Variants in STARD9 observed in about 807,000 individuals in gnomAD.
STARD9 encodes the protein StAR related lipid transfer domain containing 9, also known as stAR-related lipid transfer protein 9.
In STARD9, 346 loss-of-function variants were observed where a neutral mutation model predicts 399.8. The observed-to-expected ratio is 0.87, with a 90% CI of 0.79 to 0.95. The LOEUF (loss-of-function observed/expected upper bound fraction) is 0.95. STARD9 is among the 40% of genes least tolerant of loss of function. STARD9 has a pLI of 0.00. For missense variants in STARD9, 5,832 were observed against 5,667.5 expected, an observed-to-expected ratio of 1.03 and a Z score of -0.93; for synonymous variants, 2,203 against 2,143.5, an observed-to-expected ratio of 1.03 and a Z score of -0.77.
Position 42,613,479 on chromosome 15 carries a change from A to G in STARD9, c.235-21377A>G, listed in dbSNP as rs192654887. On this transcript the variant is annotated intron_variant, in intron 3 of 32. Coordinates refer to ENST00000290607, the MANE Select transcript of STARD9 (RefSeq NM_020759.3). ...GTATGGTTTATTTCCCAGATTCATAATTTACTGGCCATAATCCTGAGCAAG... is the reference window on the plus strand; with the variant it reads ...GTATGGTTTATTTCCCAGATTCATAGTTTACTGGCCATAATCCTGAGCAAG... Among the ~76,000 whole-genome samples the G allele has an allele frequency of 3.3e-5, 5 of 152,264 alleles. No homozygotes were observed. The East Asian group carries it at 9.6e-4, about 29-fold the overall frequency.
At chr15:42,610,644 G>T (rs1297345299) in intron 3 of STARD9, among the ~76,000 whole-genome samples, 2 of 152,120 alleles carry the variant, frequency 1.3e-5, no homozygotes, top group Non-Finnish European at 2.9e-5. Context: ...CGCCGCCCGG[G>T]TTCAAGCTTC....
At chr15:42,652,624 T>C in intron 9 of STARD9, 32 bp downstream of exon 9, 1 of 1,511,148 alleles carries the variant, frequency 6.6e-7, no homozygotes, top group South Asian at 1.2e-5. Context: ...GTGAGATTTC[T>C]TCCTCTCCTT....
Position 42,690,024 on chromosome 15 carries a change from T to C in STARD9, c.8446T>C (p.Ser2816Pro). The change falls in exon 23 of 33, where the codon TCT becomes CCT. Residue 2816 changes from serine to proline, a missense_variant. Transcript: ENST00000290607. ...AAAAACAGCCCATTTTGAAAGTCAG[T>C]CTGTGACCTGTGATGTTCAGAATTC... Reference protein sequence around the residue: ...GEKTAHFESQSVTCDVQNSTS... With the variant: ...GEKTAHFESQPVTCDVQNSTS... 6.5e-7 allele frequency: 1 copy of C among 1,537,462 alleles called. No individual in the cohort carries two copies. Among genetic ancestry groups the C allele is most frequent in the South Asian group, 1.2e-5 (1 of 84,058 alleles).
At chr15:42,590,580 A>T (rs906288627) in intron 3 of STARD9, among the ~76,000 whole-genome samples, 7 of 152,198 alleles carry the variant, frequency 4.6e-5, no homozygotes, top group African/African-American at 1.7e-4. Flanking sequence ...TGCTTGTGTT[A>T]GTCTATTTTG....
intron 24 of STARD9, 92 bp from the exon 25 acceptor site, chr15:42,695,048 A>G (rs1367721779): frequency 9.3e-7 from 1 of 1,072,410 alleles, no homozygotes; most frequent in Non-Finnish European, 1.3e-6. Flanking sequence ...TGGGTCTTTT[A>G]AGAAGGTGGT....
intron 7 of STARD9, among the ~76,000 whole-genome samples, chr15:42,644,620 C>T (rs4924689): frequency 5.9e-5 from 9 of 152,170 alleles, no homozygotes; most frequent in African/African-American, 1.7e-4. Context: ...GTGATGATGG[C>T]GGCTGACTGA....
Position 42,692,724 on chromosome 15 carries a change from G to T in STARD9, c.11146G>T (p.Asp3716Tyr), listed in dbSNP as rs1439785512. The T allele has an allele frequency of 2.6e-6, 4 of 1,537,104 alleles. No individual in the cohort carries two copies. In the South Asian group the frequency reaches 3.6e-5, roughly 14 times the overall value. ...GCAGAACACCAAGAGGGACATCCCA[G>T]ATAAAGCCCCACAGGCCCTGATGAT... The part of the protein sequence containing the change: ...REQNTKRDIP[D>Y]KAPQALMMDG... The change falls in exon 23 of 33, where the codon GAT (aspartate) becomes TAT (tyrosine). Residue 3716 changes from aspartate to tyrosine, a missense_variant. Asp to Tyr is a radical substitution (Grantham distance 160, BLOSUM62 -3). This residue lies in a region of STARD9 where 5,828 missense variants were observed against 5,651.1 expected (regional missense o/e 1.03). Transcript: ENST00000290607.
intron 3 of STARD9, among the ~76,000 whole-genome samples, chr15:42,607,194 C>CCTTTT (rs2058746071): frequency 5.1e-5 from 2 of 39,260 alleles, no homozygotes; most frequent in Non-Finnish European, 8.6e-5. Context: ...TTTTCTGGTG[C>CCTTTT]TTTTTTTTTT....
At chr15:42,680,668 T>G (rs1376256050) in intron 20 of STARD9, among the ~76,000 whole-genome samples, 5 of 152,152 alleles carry the variant, frequency 3.3e-5, no homozygotes, top group African/African-American at 1.2e-4. Context: ...CAACACAAAT[T>G]ATCAACTTAC....
In STARD9 at chr15:42,711,538, T is replaced by C. The variant is rs560029646; in HGVS notation, c.13285-5139T>C. Among the ~76,000 whole-genome samples the C allele has an allele frequency of 6.8e-4, 103 of 152,334 alleles. No homozygotes were observed. In the Middle Eastern group the frequency reaches 0.014, roughly 20 times the overall value. ...AACTTGGTTACATCTGCAGGGACCTTATTTTCAAATTAGGTCAAATTCACA... is the reference window on the plus strand; with the variant it reads ...AACTTGGTTACATCTGCAGGGACCTCATTTTCAAATTAGGTCAAATTCACA... On this transcript the variant is annotated intron_variant, in intron 26 of 32. Transcript: ENST00000290607.
chr15:42,675,828 G>T (rs1566925564), intron 19 of STARD9, 44 bp from the exon 20 acceptor site: 1 of 1,534,622 alleles, frequency 6.5e-7, no homozygotes, highest in African/African-American at 1.4e-5. Flanking sequence ...GGGAGAGGTG[G>T]AGGCGATGAC....
chr15:42,699,115 A>G (rs2060905270), intron 26 of STARD9, among the ~76,000 whole-genome samples: 1 of 152,214 alleles, frequency 6.6e-6, no homozygotes, highest in Non-Finnish European at 1.5e-5. Flanking sequence ...GCATTGCATA[A>G]TGATCAAATC....
intron 3 of STARD9, among the ~76,000 whole-genome samples, chr15:42,608,120 CTTTG>C (rs1460678534): frequency 2.0e-5 from 3 of 152,056 alleles, no homozygotes; most frequent in Non-Finnish European, 4.4e-5. Flanking sequence ...TGGAGTCAGG[CTTTG>C]TTTGCTTGGT....
In STARD9 at chr15:42,695,202, A is replaced by G. The variant is rs985293599; in HGVS notation, c.13025A>G (p.Asp4342Gly). 8 of 1,537,062 alleles carry G rather than the reference A, an allele frequency of 5.2e-6. No homozygotes were observed. The highest frequency in any genetic ancestry group is 7.0e-6 in the Non-Finnish European group (8 of 1,146,860). The part of the protein sequence containing the change: ...TPSDIELMLQ[D>G]YQQAHEEAKV... ...TCTGACATAGAGTTGATGCTGCAAG[A>G]CTACCAGCAGGCCCATGAGGAGGCC... The change falls in exon 25 of 33, where the codon GAC becomes GGC. Residue 4342 changes from aspartate (D) to glycine (G), a missense_variant. Asp to Gly is a moderately conservative substitution (Grantham distance 94). Around this residue, in one of 2 missense-constraint regions of STARD9, gnomAD observed 5,828 missense variants for 5,651.1 expected, o/e 1.03. Transcript: ENST00000290607.
At chr15:42,601,359 C>T (rs1490381626) in intron 3 of STARD9, among the ~76,000 whole-genome samples, 1 of 152,148 alleles carries the variant, frequency 6.6e-6, no homozygotes, top group Non-Finnish European at 1.5e-5. Context: ...CATCATGGCC[C>T]ATTCTCAGTG....
At chr15:42,653,000 ACT>A (rs2059794970) in intron 9 of STARD9, among the ~76,000 whole-genome samples, 2 of 151,496 alleles carry the variant, frequency 1.3e-5, no homozygotes, top group African/African-American at 4.8e-5. Context: ...CTTTCCTCCT[ACT>A]CTCATATTTA....
At chr15:42,709,979 T>C (rs1300951942) in intron 26 of STARD9, among the ~76,000 whole-genome samples, 1 of 152,146 alleles carries the variant, frequency 6.6e-6, no homozygotes, top group Non-Finnish European at 1.5e-5. Context: ...ATTATTAATT[T>C]CATTGTTCAA....
intron 26 of STARD9, among the ~76,000 whole-genome samples, chr15:42,701,919 G>A (rs1187987733): frequency 3.3e-5 from 5 of 151,086 alleles, no homozygotes; most frequent in East Asian, 2.0e-4. Context: ...GCTTGAACCC[G>A]GGAGGGTGGA....
At chr15:42,702,304 A>G (rs541187672) in intron 26 of STARD9, among the ~76,000 whole-genome samples, 3 of 152,006 alleles carry the variant, frequency 2.0e-5, no homozygotes, top group Admixed American at 6.6e-5. Context: ...CCCGGGTTCA[A>G]ATGATTCTCC....
Sources: allele counts gnomAD v4.1 joint callset (sites outside exome capture counted in the v4.1 genomes callset), GRCh38; gene constraint gnomAD v4.1.1; regional missense constraint gnomAD v4.1.1; transcripts MANE v1.5; gene names NCBI Gene and HGNC (gene_info 2026-07-23, HGNC 2026-07-21).